The following MAGI2 variants were observed in gnomAD, a reference collection of about 807,000 sequenced individuals.
MAGI2 encodes membrane-associated guanylate kinase, WW and PDZ domain-containing protein 2.
In MAGI2, 35 loss-of-function variants were observed where a neutral mutation model predicts 133.3. The observed-to-expected ratio is 0.26, with a 90% CI of 0.20 to 0.35. MAGI2 has a LOEUF of 0.35. Among genes scored for constraint, MAGI2 ranks in the 10% least tolerant of loss-of-function variants. MAGI2 has a pLI of 1.00. For synonymous variants in MAGI2, 729 were observed against 710.6 expected, an observed-to-expected ratio of 1.03 and a Z score of -0.41; for missense variants, 1,636 against 1,863.4, an observed-to-expected ratio of 0.88 and a Z score of 2.25.
chr7:78,217,996 T>C (rs186972796), intron 10 of MAGI2, among the ~76,000 whole-genome samples: 33 of 152,274 alleles, frequency 2.2e-4, no homozygotes, highest in Non-Finnish European at 4.6e-4. Flanking sequence ...GGAAAAAAAG[T>C]TGGAGACCCT....
intron 2 of MAGI2, among the ~76,000 whole-genome samples, chr7:78,837,747 T>G (rs1791771426): frequency 1.3e-5 from 2 of 152,142 alleles, no homozygotes; most frequent in African/African-American, 4.8e-5. Context: ...CCAACTACAG[T>G]TTTAATGGAA....
In MAGI2 at chr7:79,270,267, C is replaced by G. The variant is rs145595448; in HGVS notation, c.301+182753G>C. Among the ~76,000 whole-genome samples the G allele has an allele frequency of 4.2e-4, 64 of 152,288 alleles. No homozygotes were observed. In the East Asian group the frequency reaches 0.012, roughly 28 times the overall value. On this transcript the variant is annotated intron_variant, in intron 1 of 21. Transcript: ENST00000354212. ...GGGGAAATTGATTTGAGTAATAACT[C>G]TGTCTTTTCTGTGGCATGGCCAGCC... is the stretch of plus-strand genomic sequence containing the variant.
intron 2 of MAGI2, among the ~76,000 whole-genome samples, chr7:78,837,890 C>A (rs1286947988): frequency 6.6e-6 from 1 of 152,030 alleles, no homozygotes; most frequent in African/African-American, 2.4e-5. Context: ...AGCAAAGTGG[C>A]TTTTGGAAAC....
intron 10 of MAGI2, chr7:78,252,128 AC>A (rs1792448626): frequency 1.5e-5 from 2 of 129,516 alleles, no homozygotes; most frequent in Admixed American, 8.4e-5. Context: ...ACAGAGTGAG[AC>A]CCTGTCTATT....
At chr7:79,012,167 A>G (rs1808228271) in intron 1 of MAGI2, 1 of 152,062 alleles carries the variant, frequency 6.6e-6, no homozygotes, top group African/African-American at 2.4e-5. Flanking sequence ...GAAATTACCC[A>G]TAATTTCTCC....
intron 2 of MAGI2, among the ~76,000 whole-genome samples, chr7:78,997,674 C>T (rs1465359108): frequency 6.6e-6 from 1 of 150,590 alleles, no homozygotes; most frequent in Non-Finnish European, 1.5e-5. Flanking sequence ...GATCACATAT[C>T]AGTCTTACCT....
At chr7:79,372,687 T>C (rs1235017252) in intron 1 of MAGI2, among the ~76,000 whole-genome samples, 2 of 152,038 alleles carry the variant, frequency 1.3e-5, no homozygotes, top group Admixed American at 1.3e-4. Flanking sequence ...TCACTGACCA[T>C]CCTCTCCTCA....
intron 1 of MAGI2, among the ~76,000 whole-genome samples, chr7:79,436,153 A>AAAGATTTAGATGTAAGT (rs1848127055): frequency 6.6e-6 from 1 of 151,660 alleles, no homozygotes; most frequent in Non-Finnish European, 1.5e-5. Flanking sequence ...AAGTCCTGAA[A>AAAGATTTAGATGTAAGT]CACGGAGGTT....
chr7:79,310,162 CAAAAAAAAAAAAAAA>C (rs71518921), intron 1 of MAGI2, among the ~76,000 whole-genome samples: 4 of 16,292 alleles, frequency 2.5e-4, no homozygotes, highest in Admixed American at 9.6e-4. Flanking sequence ...GAGTCCATCT[CAAAAAAAAAAAAAAA>C]AAAAAAAAAA....
chr7:79,324,100 A>G (rs923954376), intron 1 of MAGI2, among the ~76,000 whole-genome samples: 2 of 152,120 alleles, frequency 1.3e-5, no homozygotes, highest in Admixed American at 6.5e-5. Flanking sequence ...TTTCATATTT[A>G]AAAAGGAGAT....
At position 78,853,971 on chromosome 7, in the gene MAGI2, C is replaced by CTT. The variant is rs540931061; in HGVS notation, c.418+153118_418+153119insAA. ...TGTTGATATGTTTCTCTCTCTCTCT[C>CTT]TCTCTCTGTGATTTAAGAGTTTCTA... On this transcript the variant is annotated intron_variant, in intron 2 of 21. Coordinates refer to ENST00000354212, the MANE Select transcript of MAGI2 (RefSeq NM_012301.4). Among the ~76,000 whole-genome samples the CTT allele has an allele frequency of 6.9e-3, 1,043 of 151,754 alleles. 9 individuals are homozygous for CTT. Among genetic ancestry groups the CTT allele is most frequent in the African/African-American group, 0.024 (1,006 of 41,378 alleles).
At chr7:78,081,179 C>T (rs917531680) in intron 20 of MAGI2, among the ~76,000 whole-genome samples, 1 of 152,146 alleles carries the variant, frequency 6.6e-6, no homozygotes, top group African/African-American at 2.4e-5. Context: ...GCAGAGATGT[C>T]CACTCTCTCT....
intron 2 of MAGI2, among the ~76,000 whole-genome samples, chr7:78,904,660 G>A (rs1797867389): frequency 2.0e-5 from 3 of 151,260 alleles, no homozygotes; most frequent in African/African-American, 2.4e-5. Context: ...GTGTCAACAC[G>A]CCCAACTAAT....
intron 1 of MAGI2, among the ~76,000 whole-genome samples, chr7:79,375,648 G>A (rs1183028855): frequency 6.6e-6 from 1 of 151,842 alleles, no homozygotes; most frequent in Non-Finnish European, 1.5e-5. Context: ...TTGTCCTAGT[G>A]CCTGGCTTGA....
chr7:79,150,609 G>T (rs1823118547), intron 1 of MAGI2, among the ~76,000 whole-genome samples: 1 of 151,910 alleles, frequency 6.6e-6, no homozygotes, highest in Admixed American at 6.6e-5. Flanking sequence ...TCTTCATTTT[G>T]ATATTTTTGC....
chr7:78,485,271 T>C (rs548831509), intron 6 of MAGI2: 37 of 152,108 alleles, frequency 2.4e-4, no homozygotes, highest in African/African-American at 8.4e-4. Flanking sequence ...CAAATACTAA[T>C]ATTAGAATCC....
In MAGI2 at chr7:79,136,003, G is replaced by GAAAGAAAA. The variant is rs749343638; in HGVS notation, c.302-128798_302-128797insTTTTCTTT. On this transcript the variant is annotated intron_variant, in intron 1 of 21. Coordinates refer to ENST00000354212, the MANE Select transcript of MAGI2 (RefSeq NM_012301.4). ...AGAAAGAAAGAAAGAAAGAAAGAAA[G>GAAAGAAAA]AGAAAGAAAGAAAGAAAGAAAGAAG... Among the ~76,000 whole-genome samples, 15 of 40,926 alleles carry GAAAGAAAA rather than the reference G, an allele frequency of 3.7e-4. 2 individuals carry two copies. The highest frequency in any genetic ancestry group is 2.4e-3 in the South Asian group (3 of 1,266). 26.8% of individuals were successfully genotyped at this position (40,926 alleles called of 152,430 possible).
At chr7:78,116,897 A>G (rs1261695615) in intron 20 of MAGI2, among the ~76,000 whole-genome samples, 1 of 151,998 alleles carries the variant, frequency 6.6e-6, no homozygotes, top group Non-Finnish European at 1.5e-5. Flanking sequence ...ATAAGATAAA[A>G]ATAAAAATGA....
At chr7:78,077,417 TA>T (rs397839348) in intron 21 of MAGI2, among the ~76,000 whole-genome samples, 23 of 150,630 alleles carry the variant, frequency 1.5e-4, no homozygotes, top group Non-Finnish European at 2.5e-4. Flanking sequence ...TATATATATA[TA>T]TTTAAAAATA....
Sources: allele counts gnomAD v4.1 joint callset (sites outside exome capture counted in the v4.1 genomes callset), GRCh38; gene constraint gnomAD v4.1.1; transcripts MANE v1.5; gene names NCBI Gene and HGNC (gene_info 2026-07-23, HGNC 2026-07-21).